Variants in DMD observed in about 807,000 individuals in gnomAD.
DMD encodes the protein dystrophin.
DMD carries 63 observed loss-of-function variants against 330.1 expected under a neutral mutation model. The observed-to-expected ratio is 0.19, with a 90% CI of 0.16 to 0.24. DMD has a LOEUF of 0.24. Ranked by LOEUF, DMD falls within the 10% of genes least tolerant of loss-of-function variation. The pLI, the probability that DMD is intolerant of heterozygous loss-of-function variation, is 1.00. For missense variants in DMD, 3,344 were observed against 2,684.1 expected (o/e 1.25, Z -5.43); for synonymous variants, 1,223 against 959.8 (o/e 1.27, Z -5.07).
intron 53 of DMD, among the ~76,000 whole-genome samples, chrX:31,674,870 T>C (rs977759595): frequency 3.6e-5 from 4 of 112,502 alleles, no homozygotes; most frequent in African/African-American, 9.7e-5. Flanking sequence ...CTGTTGGCAG[T>C]TTTAGGTGCC....
At chrX:32,289,148 A>T (rs72626032) in intron 42 of DMD, among the ~76,000 whole-genome samples, 3,192 of 111,295 alleles carry the variant, frequency 0.029, 114 homozygotes, top group East Asian at 0.15. Context: ...GAATAAGCTT[A>T]CTCAATGTTT....
chrX:32,123,822 T>C (rs930462388), intron 44 of DMD, among the ~76,000 whole-genome samples: 3 of 112,341 alleles, frequency 2.7e-5, no homozygotes, highest in Non-Finnish European at 5.6e-5. Flanking sequence ...GGAAATAGAC[T>C]GTACACTTTA....
intron 4 of DMD, among the ~76,000 whole-genome samples, chrX:32,831,428 G>T (rs2079137245): frequency 9.0e-6 from 1 of 110,923 alleles, no homozygotes; most frequent in African/African-American, 3.3e-5. Context: ...GAACAAGTTA[G>T]TGTTATTTTT....
intron 48 of DMD, among the ~76,000 whole-genome samples, chrX:31,837,373 TTTTG>T (rs1379484497): frequency 1.8e-5 from 2 of 111,788 alleles, no homozygotes; most frequent in Non-Finnish European, 3.8e-5. Context: ...GAACGATTAA[TTTTG>T]TTTATTATTT....
chrX:33,085,973 A>C (rs1319311559), intron 1 of DMD: 1 of 112,291 alleles, frequency 8.9e-6, no homozygotes, highest in South Asian at 3.6e-4. Flanking sequence ...AGTTATTAGT[A>C]CAAAGAGAAA....
chrX:31,376,544 CAG>C (rs763068667), intron 60 of DMD, among the ~76,000 whole-genome samples: 3 of 111,940 alleles, frequency 2.7e-5, no homozygotes, highest in Admixed American at 9.5e-5. Context: ...AAAGAATATA[CAG>C]AGTCAGGGTA....
At chrX:32,261,303 A>G (rs1569554591) in intron 43 of DMD, among the ~76,000 whole-genome samples, 1 of 111,883 alleles carries the variant, frequency 8.9e-6, no homozygotes, top group Non-Finnish European at 1.9e-5. Flanking sequence ...AGAAACAGTG[A>G]TTTGGGTGGA....
chrX:33,019,106 A>G (rs145660670), intron 2 of DMD, among the ~76,000 whole-genome samples: 1,306 of 111,676 alleles, frequency 0.012, 24 homozygotes, highest in African/African-American at 0.04. Context: ...GAAAAGGGAG[A>G]ACTTTTGAGA....
intron 44 of DMD, among the ~76,000 whole-genome samples, chrX:32,042,221 A>T (rs1457499129): frequency 9.4e-6 from 1 of 106,139 alleles, no homozygotes; most frequent in Non-Finnish European, 1.9e-5. Flanking sequence ...ATACACACAC[A>T]TATATGTGCA....
intron 55 of DMD, among the ~76,000 whole-genome samples, chrX:31,542,501 C>T (rs1397074382): frequency 1.8e-5 from 2 of 112,000 alleles, no homozygotes; most frequent in African/African-American, 6.5e-5. Flanking sequence ...CTACTGTCAA[C>T]CTTATAAAGT....
At chrX:31,642,917 G>A (rs2079856558) in intron 54 of DMD, among the ~76,000 whole-genome samples, 1 of 112,163 alleles carries the variant, frequency 8.9e-6, no homozygotes, top group African/African-American at 3.2e-5. Context: ...TTCCGATTTT[G>A]ATCTGACTAT....
chrX:31,279,756 C>T (rs1405186464), intron 62 of DMD, among the ~76,000 whole-genome samples: 1 of 112,374 alleles, frequency 8.9e-6, no homozygotes, highest in East Asian at 2.8e-4. Flanking sequence ...ATAAATGGCC[C>T]AATCCACCCA....
At chrX:31,280,893 A>G (rs183417118) in intron 62 of DMD, among the ~76,000 whole-genome samples, 27 of 112,427 alleles carry the variant, frequency 2.4e-4, no homozygotes, top group Non-Finnish European at 3.8e-4. Flanking sequence ...TCTACTGTAC[A>G]GGGAGTTTAA....
chrX:31,944,312 C>T (rs1046591633), intron 45 of DMD, among the ~76,000 whole-genome samples: 2 of 111,965 alleles, frequency 1.8e-5, no homozygotes, highest in African/African-American at 6.5e-5. Flanking sequence ...CAGCTGCCTT[C>T]TCTTAAGCTA....
intron 48 of DMD, among the ~76,000 whole-genome samples, chrX:31,873,611 G>T (rs749308369): frequency 1.8e-5 from 2 of 112,017 alleles, no homozygotes; most frequent in South Asian, 7.3e-4. Flanking sequence ...CTCTGAAGTT[G>T]CCCAACAATA....
At chrX:33,192,931 T>G (rs941141523) in intron 1 of DMD, among the ~76,000 whole-genome samples, 1 of 112,102 alleles carries the variant, frequency 8.9e-6, no homozygotes, top group South Asian at 3.7e-4. Flanking sequence ...CTCACACAGA[T>G]GCATTCACGT....
intron 70 of DMD, 81 bp from the exon 71 acceptor site, chrX:31,178,051 T>C (rs2040728330): frequency 2.7e-6 from 3 of 1,106,031 alleles, no homozygotes; most frequent in African/African-American, 1.8e-5. Context: ...TCAAAATAAA[T>C]AAAATCCAGC....
At chrX:32,549,800 A>C (rs181576227) in intron 16 of DMD, among the ~76,000 whole-genome samples, 144 of 112,160 alleles carry the variant, frequency 1.3e-3, no homozygotes, top group African/African-American at 4.5e-3. Context: ...TATGCTCAAG[A>C]AATGAAGTTC....
chrX:32,416,514 T>C (rs887787531), intron 29 of DMD, among the ~76,000 whole-genome samples: 1 of 112,059 alleles, frequency 8.9e-6, no homozygotes, highest in Admixed American at 9.5e-5. Context: ...CTCATTTTTA[T>C]GAGTGATTTT....
Sources: allele counts gnomAD v4.1 joint callset (sites outside exome capture counted in the v4.1 genomes callset), GRCh38; gene constraint gnomAD v4.1.1; transcripts MANE v1.5; gene names NCBI Gene and HGNC (gene_info 2026-07-23, HGNC 2026-07-21).